The following RORB variants were observed in gnomAD, a reference collection of about 807,000 sequenced individuals.
The protein encoded by RORB is nuclear receptor ROR-beta.
In RORB, 6 loss-of-function variants were observed where a neutral mutation model predicts 59.1. The observed-to-expected ratio is 0.10, with a 90% CI of 0.06 to 0.20. The LOEUF (loss-of-function observed/expected upper bound fraction) is 0.20. RORB is among the 10% of genes least tolerant of loss of function. The pLI is 1.00. For synonymous variants in RORB, 215 were observed against 204.5 expected (o/e 1.05, Z -0.44); for missense variants, 320 against 560.5 (o/e 0.57, Z 4.33).
At chr9:74,514,731 G>C (rs1471172069) in intron 1 of RORB, among the ~76,000 whole-genome samples, 1 of 150,194 alleles carries the variant, frequency 6.7e-6, no homozygotes, top group East Asian at 1.9e-4. Context: ...TAAGACAATT[G>C]TAAACCTCAT....
At chr9:74,545,251 G>C (rs1826470693) in intron 1 of RORB, among the ~76,000 whole-genome samples, 1 of 152,072 alleles carries the variant, frequency 6.6e-6, no homozygotes, top group Non-Finnish European at 1.5e-5. Flanking sequence ...CCTCAAAAGA[G>C]ATCTTCTGGT....
intron 1 of RORB, among the ~76,000 whole-genome samples, chr9:74,517,693 T>G (rs887183384): frequency 9.2e-5 from 14 of 152,142 alleles, no homozygotes; most frequent in African/African-American, 3.1e-4. Context: ...AGTGTTTAAT[T>G]TCTAGAAATA....
intron 9 of RORB, among the ~76,000 whole-genome samples, chr9:74,678,547 T>G (rs1054216819): frequency 3.3e-5 from 5 of 152,212 alleles, no homozygotes; most frequent in African/African-American, 1.2e-4. Context: ...TAAGTGAAAT[T>G]GTACTTGAAA....
intron 1 of RORB, among the ~76,000 whole-genome samples, chr9:74,521,496 G>A (rs1826084844): frequency 6.6e-6 from 1 of 151,764 alleles, no homozygotes; most frequent in Non-Finnish European, 1.5e-5. Flanking sequence ...ACCCCAAAGT[G>A]AGCCTTTTCT....
At chr9:74,510,684 C>T (rs7848922) in intron 1 of RORB, among the ~76,000 whole-genome samples, 115,589 of 152,090 alleles carry the variant, frequency 0.76, 44,188 homozygotes, top group East Asian at 0.91. Context: ...CAAAGAAAAC[C>T]CTAAAATATA....
intron 3 of RORB, among the ~76,000 whole-genome samples, chr9:74,637,437 A>C (rs1233901293): frequency 6.6e-6 from 1 of 152,226 alleles, no homozygotes; most frequent in Non-Finnish European, 1.5e-5. Flanking sequence ...AATTTAGCTT[A>C]AACGAAGAAT....
At chr9:74,570,496 A>T (rs564364856) in intron 1 of RORB, among the ~76,000 whole-genome samples, 93 of 152,296 alleles carry the variant, frequency 6.1e-4, no homozygotes, top group Non-Finnish European at 1.2e-3. Flanking sequence ...AGAACTGGAG[A>T]TAGAAAAGAT....
intron 1 of RORB, among the ~76,000 whole-genome samples, chr9:74,599,501 G>C (rs913354189): frequency 6.6e-6 from 1 of 152,166 alleles, no homozygotes; most frequent in African/African-American, 2.4e-5. Flanking sequence ...TCCCGGAAGA[G>C]CACTCAATCC....
At position 74,497,464 on chromosome 9, in the gene RORB, CCTTT is replaced by C. The variant is rs761983424; in HGVS notation, c.-504_-501del. On this transcript the variant is annotated 5_prime_UTR_variant, in exon 1 of 10. The change abolishes the stop of an existing upstream ORF in the 5' untranslated region. Transcript: ENST00000376896. ...CGCACATGCTCTGCCATCCACACCG[CCTTT>C]CTTTCTTTTCTTTCTGTTTCCTTTT... 34 of 161,294 alleles carry C rather than the reference CCTTT, an allele frequency of 2.1e-4. No homozygotes were observed. Among genetic ancestry groups the C allele is most frequent in the Non-Finnish European group, 3.6e-4 (27 of 74,094 alleles). 10.0% of individuals were successfully genotyped at this position (161,294 alleles called of 1,614,324 possible).
intron 1 of RORB, among the ~76,000 whole-genome samples, chr9:74,605,458 T>C (rs567940733): frequency 8.5e-4 from 129 of 152,306 alleles, no homozygotes; most frequent in Non-Finnish European, 1.5e-3. Flanking sequence ...TTCCACAGTA[T>C]AGGCGGTGTG....
intron 1 of RORB, among the ~76,000 whole-genome samples, chr9:74,525,353 T>G (rs1826142265): frequency 6.6e-6 from 1 of 151,940 alleles, no homozygotes; most frequent in Admixed American, 6.6e-5. Context: ...GTGGGAGAAG[T>G]CATGTTCCCA....
At chr9:74,658,710 C>T (rs1031308916) in intron 4 of RORB, among the ~76,000 whole-genome samples, 10 of 151,986 alleles carry the variant, frequency 6.6e-5, no homozygotes, top group African/African-American at 2.4e-4. Flanking sequence ...TTTTTAGATT[C>T]TAAGTAATTA....
chr9:74,561,907 T>A (rs1822401061), intron 1 of RORB, among the ~76,000 whole-genome samples: 1 of 152,192 alleles, frequency 6.6e-6, no homozygotes, highest in Non-Finnish European at 1.5e-5. Flanking sequence ...CTTAGCACTT[T>A]TGATGAGTAC....
Position 74,688,501 on chromosome 9 carries a change from C to G in RORB, c.*2883C>G, listed in dbSNP as rs1005701618. On this transcript the variant is annotated 3_prime_UTR_variant, in exon 10 of 10. Coordinates refer to ENST00000376896, the MANE Select transcript of RORB (RefSeq NM_006914.4). The stretch of plus-strand genomic sequence containing the variant: ...TGCACTGGAAGAAAAAATCCACAAT[C>G]TGGGCTTCTCACTTCGTGCTTCATA... 2.0e-5 allele frequency: 3 copies of G among 152,112 alleles called. No individual in the cohort carries two copies. Among genetic ancestry groups the G allele is most frequent in the East Asian group, 3.9e-4 (2 of 5,166 alleles). The allele number at this position is 152,112 out of a possible 1,614,324, so 9.4% of individuals were successfully genotyped here. A position where few individuals can be genotyped will look rare whatever the true frequency, so the allele number is the denominator to read the frequency against.
intron 1 of RORB, among the ~76,000 whole-genome samples, chr9:74,616,968 T>C (rs78376631): frequency 4.0e-5 from 6 of 149,600 alleles, no homozygotes; most frequent in Non-Finnish European, 8.9e-5. Flanking sequence ...AAAATGAATA[T>C]CCCAAATTAA....
intron 1 of RORB, among the ~76,000 whole-genome samples, chr9:74,623,454 T>TA (rs1195172657): frequency 2.6e-5 from 4 of 151,624 alleles, no homozygotes; most frequent in Non-Finnish European, 5.9e-5. Flanking sequence ...TTTTTTTTTT[T>TA]ATTTTCTTCT....
intron 1 of RORB, among the ~76,000 whole-genome samples, chr9:74,568,710 A>G (rs541007812): frequency 1.0e-3 from 153 of 151,760 alleles, no homozygotes; most frequent in African/African-American, 3.6e-3. Context: ...AAAAAAAAAA[A>G]AAAAGAAAAA....
chr9:74,619,595 G>C (rs749233746), intron 1 of RORB, among the ~76,000 whole-genome samples: 21 of 152,100 alleles, frequency 1.4e-4, no homozygotes, highest in Non-Finnish European at 2.2e-4. Flanking sequence ...GGGATTACAG[G>C]TGTGCACCAC....
At chr9:74,676,306 A>G (rs1824440572) in intron 9 of RORB, among the ~76,000 whole-genome samples, 1 of 152,192 alleles carries the variant, frequency 6.6e-6, no homozygotes. Flanking sequence ...AAATAGATAC[A>G]ACACTCCTGG....
Sources: gnomAD v4.1 joint callset for allele counts (sites outside exome capture counted in the v4.1 genomes callset) on GRCh38, gnomAD v4.1.1 for gene constraint, MANE v1.5 for transcripts, NCBI Gene and HGNC (gene_info 2026-07-23, HGNC 2026-07-21) for gene names.